Variants in PDE6C observed in about 807,000 individuals in gnomAD.
PDE6C encodes the protein cone cGMP-specific 3',5'-cyclic phosphodiesterase subunit alpha'.
A neutral mutation model predicts 113.1 loss-of-function variants in PDE6C; 75 were observed. The ratio of observed to expected loss-of-function variants is 0.66; its 90% CI spans 0.55 to 0.80. The LOEUF (loss-of-function observed/expected upper bound fraction) is 0.80, where lower values mean the gene tolerates loss of function less well. Ranked by LOEUF, PDE6C falls within the 30% of genes least tolerant of loss-of-function variation. The pLI, the probability that PDE6C is intolerant of heterozygous loss-of-function variation, is 0.00. For missense variants in PDE6C, 912 were observed against 1,038.6 expected, an observed-to-expected ratio of 0.88 and a Z score of 1.67; for synonymous variants, 375 against 363.7, an observed-to-expected ratio of 1.03 and a Z score of -0.35.
intron 14 of PDE6C, among the ~76,000 whole-genome samples, chr10:93,643,339 G>T (rs1445748938): frequency 6.6e-6 from 1 of 152,032 alleles, no homozygotes; most frequent in Non-Finnish European, 1.5e-5. Flanking sequence ...TGATGGAAGG[G>T]CTTCCTGACT....
intron 8 of PDE6C, 138 bp from the exon 9 acceptor site, chr10:93,634,620 C>T (rs2058519033): frequency 2.4e-6 from 2 of 819,488 alleles, no homozygotes; most frequent in Non-Finnish European, 4.0e-6. Flanking sequence ...GTTGTCTAAC[C>T]ATCATTACCA....
Position 93,655,767 on chromosome 10 carries a change from A to T in PDE6C, c.1943A>T (p.Asn648Ile). The change falls in exon 16 of 22, where the codon AAC (asparagine) becomes ATC (isoleucine). Residue 648 changes from asparagine to isoleucine, a missense_variant. Physicochemically the swap from Asn to Ile is moderately radical, Grantham distance 149 (BLOSUM62 -3). Transcript: ENST00000371447. ...SKTLLQDESL[N>I]IFQNLNKRQF... ...TGAATTTTCATCTTACAGAGTTTAA[A>T]CATCTTCCAGAACCTAAATAAGCGG... The T allele has an allele frequency of 6.3e-7, 1 of 1,579,784 alleles. No homozygotes were observed. Among genetic ancestry groups the T allele is most frequent in the Non-Finnish European group, 8.7e-7 (1 of 1,148,846 alleles).
At chr10:93,664,156 G>GATCCTTT (rs1408190483) in intron 21 of PDE6C, among the ~76,000 whole-genome samples, 2 of 152,180 alleles carry the variant, frequency 1.3e-5, no homozygotes, top group African/African-American at 2.4e-5. Context: ...GGAAAGATGG[G>GATCCTTT]ATCCTTTATC....
intron 11 of PDE6C, among the ~76,000 whole-genome samples, chr10:93,637,334 T>C (rs1007556593): frequency 3.3e-5 from 5 of 152,124 alleles, no homozygotes; most frequent in Non-Finnish European, 2.9e-5. Flanking sequence ...GCACAGAATC[T>C]AGGGATATCA....
chr10:93,625,281 A>G (rs2058468136), intron 4 of PDE6C, among the ~76,000 whole-genome samples: 1 of 152,244 alleles, frequency 6.6e-6, no homozygotes, highest in South Asian at 2.1e-4. Context: ...TACATTGAGT[A>G]TTTTGAACTA....
chr10:93,648,677 C>T (rs772323859), intron 15 of PDE6C, among the ~76,000 whole-genome samples: 69 of 152,234 alleles, frequency 4.5e-4, no homozygotes, highest in Middle Eastern at 3.4e-3. Context: ...ACTGCCTGTA[C>T]TCTAAACCAG....
Position 93,645,828 on chromosome 10 carries a change from T to A in PDE6C, c.1848-132T>A, listed in dbSNP as rs563412809. ...TAAATCTAGAAAATCTTTTCCAATA[T>A]GTTATTTTTGACCACTTCACAGATA... On this transcript the variant is annotated intron_variant, in intron 14 of 21. Coordinates refer to ENST00000371447, the MANE Select transcript of PDE6C (RefSeq NM_006204.4). 1.6e-4 allele frequency: 108 copies of A among 672,014 alleles called. No homozygotes were observed. The East Asian group carries it at 2.9e-3, about 18-fold the overall frequency. The allele number at this position is 672,014 out of a possible 1,614,324, so 41.6% of individuals were successfully genotyped here.
intron 14 of PDE6C, among the ~76,000 whole-genome samples, chr10:93,644,804 T>C (rs924148038): frequency 1.1e-4 from 16 of 147,238 alleles, no homozygotes; most frequent in African/African-American, 3.9e-4. Context: ...ATAGTATATA[T>C]ATAGTATGTA....
intron 1 of PDE6C, among the ~76,000 whole-genome samples, chr10:93,618,824 G>T (rs539400085): frequency 7.4e-4 from 113 of 152,246 alleles, no homozygotes; most frequent in Middle Eastern, 3.4e-3. Flanking sequence ...CTTGTTCCCT[G>T]GTGGAAACTC....
intron 8 of PDE6C, among the ~76,000 whole-genome samples, chr10:93,633,475 A>T (rs199932924): frequency 0.24 from 34,398 of 144,354 alleles, 4,749 homozygotes; most frequent in East Asian, 0.37. Context: ...CAAAAAAAAA[A>T]AAAAATAAAA....
intron 4 of PDE6C, 85 bp downstream of exon 4, chr10:93,622,157 T>TA: frequency 7.8e-7 from 1 of 1,274,636 alleles, no homozygotes; most frequent in Non-Finnish European, 1.1e-6. Context: ...AAAAAACAGA[T>TA]ACACTATGTA....
At chr10:93,656,180 G>A (rs1297699864) in intron 16 of PDE6C, among the ~76,000 whole-genome samples, 1 of 152,236 alleles carries the variant, frequency 6.6e-6, no homozygotes, top group African/African-American at 2.4e-5. Flanking sequence ...TGTCAAAAGA[G>A]TGAAGCCAAG....
chr10:93,645,267 T>G (rs992676880), intron 14 of PDE6C, among the ~76,000 whole-genome samples: 4 of 152,342 alleles, frequency 2.6e-5, no homozygotes, highest in African/African-American at 7.2e-5. Context: ...TTCCCTGACC[T>G]GCCAGTAACC....
intron 11 of PDE6C, among the ~76,000 whole-genome samples, chr10:93,639,530 G>T (rs1252656523): frequency 6.6e-6 from 1 of 152,190 alleles, no homozygotes; most frequent in Non-Finnish European, 1.5e-5. Context: ...TCATTCAACA[G>T]GCATTTCCTG....
intron 11 of PDE6C, among the ~76,000 whole-genome samples, chr10:93,638,489 C>T (rs1410581388): frequency 1.3e-5 from 2 of 152,104 alleles, no homozygotes; most frequent in Non-Finnish European, 2.9e-5. Flanking sequence ...TCTTGGAAAA[C>T]AAAACTTTTA....
chr10:93,640,658 A>C, intron 13 of PDE6C, 101 bp downstream of exon 13: 1 of 910,568 alleles, frequency 1.1e-6, no homozygotes, highest in Non-Finnish European at 1.8e-6. Context: ...GTAATTTAAA[A>C]ATTCAGGGCA....
intron 11 of PDE6C, 124 bp downstream of exon 11, chr10:93,637,187 A>C (rs2058537713): frequency 4.6e-6 from 3 of 658,394 alleles, no homozygotes; most frequent in Non-Finnish European, 5.5e-6. Context: ...GATATTTCTC[A>C]AGGCTAAAAA....
At chr10:93,657,152 T>C (rs761698519) in intron 16 of PDE6C, among the ~76,000 whole-genome samples, 1 of 151,154 alleles carries the variant, frequency 6.6e-6, no homozygotes, top group Non-Finnish European at 1.5e-5. Context: ...TTGTGTGTTG[T>C]TTTTTTTGTT....
rs2058646421 is a variant in PDE6C, at chr10:93,657,929, G to C, written c.2037-972G>C. On this transcript the variant is annotated intron_variant, in intron 16 of 21. Coordinates refer to ENST00000371447, the MANE Select transcript of PDE6C (RefSeq NM_006204.4). ...CTCATGCCTGTAATCTCAGCACTTT[G>C]GGAGGCCAAGGCAGGAGGATCACTT... is the stretch of plus-strand genomic sequence containing the variant. Among the ~76,000 whole-genome samples the C allele has an allele frequency of 1.3e-5, 2 of 152,050 alleles. 1 individual carries two copies. The highest frequency in any genetic ancestry group is 4.1e-4 in the South Asian group (2 of 4,826).
Sources: allele counts gnomAD v4.1 joint callset (sites outside exome capture counted in the v4.1 genomes callset), GRCh38; gene constraint gnomAD v4.1.1; transcripts MANE v1.5; gene names NCBI Gene and HGNC (gene_info 2026-07-23, HGNC 2026-07-21).